The following CFAP20DC variants were observed in gnomAD, a reference collection of about 807,000 sequenced individuals.
CFAP20DC encodes the protein protein CFAP20DC.
Under a neutral mutation model 101.7 loss-of-function variants are expected in CFAP20DC, and 84 were observed. That is an observed-to-expected ratio of 0.83 (90% confidence interval 0.69 to 0.99). The LOEUF (loss-of-function observed/expected upper bound fraction) is 0.99, where lower values mean the gene tolerates loss of function less well. Ranked by LOEUF, CFAP20DC falls within the 50% of genes least tolerant of loss-of-function variation. CFAP20DC has a pLI of 0.00. For synonymous variants in CFAP20DC, 359 were observed against 351.2 expected, an observed-to-expected ratio of 1.02 and a Z score of -0.25; for missense variants, 1,007 against 970.3, an observed-to-expected ratio of 1.04 and a Z score of -0.50.
chr3:58,975,934 C>T (rs1285478497), intron 4 of CFAP20DC, among the ~76,000 whole-genome samples: 1 of 152,108 alleles, frequency 6.6e-6, no homozygotes, highest in East Asian at 1.9e-4. Flanking sequence ...GGTGACAACA[C>T]TTTCACATGA....
chr3:58,818,190 C>T (rs1559641719), intron 14 of CFAP20DC, among the ~76,000 whole-genome samples: 1 of 151,704 alleles, frequency 6.6e-6, no homozygotes, highest in East Asian at 1.9e-4. Flanking sequence ...AAAATCATGC[C>T]AAAATGTAAA....
At chr3:58,895,734 A>T (rs529821544) in intron 6 of CFAP20DC, among the ~76,000 whole-genome samples, 1 of 152,322 alleles carries the variant, frequency 6.6e-6, no homozygotes, top group Admixed American at 6.5e-5. Flanking sequence ...TGATAAAGAC[A>T]TACCCGAGAC....
At chr3:58,794,093 G>C in intron 15 of CFAP20DC, 1 of 223,064 alleles carries the variant, frequency 4.5e-6, no homozygotes, top group South Asian at 5.9e-5. Flanking sequence ...ATTTGGTCTC[G>C]CTTGTTACTG....
At position 58,894,790 on chromosome 3, in the gene CFAP20DC, GC is replaced by G. The variant is rs1297518386; in HGVS notation, c.551-10082del. Among the ~76,000 whole-genome samples, 3 of 152,226 alleles carry G rather than the reference GC, an allele frequency of 2.0e-5. No individual in the cohort carries two copies. Among genetic ancestry groups the G allele is most frequent in the Non-Finnish European group, 4.4e-5 (3 of 68,042 alleles). On this transcript the variant is annotated intron_variant, in intron 6 of 16. Coordinates refer to ENST00000482387, the MANE Select transcript of CFAP20DC (RefSeq NM_001394063.1). This position sits in a 1 kb window ranked among gnomAD's most constrained non-coding sequence, Gnocchi z 4.1. ...TAGCTGAGGTTCTCATGAGGGCCCT[GC>G]CCCTGCAACAAACTTGTGCCTGGGC... is the stretch of plus-strand genomic sequence containing the variant.
chr3:58,839,236 TG>T (rs1196985967), intron 13 of CFAP20DC, among the ~76,000 whole-genome samples: 2 of 152,198 alleles, frequency 1.3e-5, no homozygotes, highest in Non-Finnish European at 2.9e-5. Flanking sequence ...GGCCTCTAAT[TG>T]GGGGTAGCAG....
chr3:58,744,381 G>A (rs992971469), intron 16 of CFAP20DC, among the ~76,000 whole-genome samples: 1 of 152,158 alleles, frequency 6.6e-6, no homozygotes, highest in African/African-American at 2.4e-5. Context: ...GTCGGACCTT[G>A]ATTATGCTAA....
intron 4 of CFAP20DC, among the ~76,000 whole-genome samples, chr3:59,025,253 T>G (rs1023663707): frequency 6.6e-6 from 1 of 152,184 alleles, no homozygotes; most frequent in Non-Finnish European, 1.5e-5. Context: ...TTCATGTTTA[T>G]GCCCATCATT....
At chr3:58,785,803 ACT>A (rs2072280720) in intron 15 of CFAP20DC, among the ~76,000 whole-genome samples, 1 of 151,766 alleles carries the variant, frequency 6.6e-6, no homozygotes, top group Non-Finnish European at 1.5e-5. Flanking sequence ...CACAGGAAAA[ACT>A]CTCTCTACTT....
chr3:58,882,385 TA>T lies in CFAP20DC; in HGVS notation c.715+2159del, dbSNP rs1398637981. Among the ~76,000 whole-genome samples, 2 of 152,148 alleles carry T rather than the reference TA, an allele frequency of 1.3e-5. No individual in the cohort carries two copies. Among genetic ancestry groups the T allele is most frequent in the Admixed American group, 6.6e-5 (1 of 15,266 alleles). ...TCAAATTTAAATTGAAAAAGACACT[TA>T]AAATATCGGGATATAGACTTGCACT... is the stretch of plus-strand genomic sequence containing the variant. On this transcript the variant is annotated intron_variant, in intron 7 of 16. Transcript: ENST00000482387. The surrounding 1 kb of genome is among the most constrained non-coding windows in gnomAD (Gnocchi z 4.2).
Position 58,859,763 on chromosome 3 carries a change from T to A in CFAP20DC, c.1593+3795A>T, listed in dbSNP as rs1465179897. Among the ~76,000 whole-genome samples the A allele has an allele frequency of 6.6e-6, 1 of 152,240 alleles. No homozygotes were observed. Among genetic ancestry groups the A allele is most frequent in the Non-Finnish European group, 1.5e-5 (1 of 68,042 alleles). ...ATTCAAAATAGAGTCTTTTCATTTT[T>A]TCCCAACACATAAACTAAATTTAAA... is the stretch of plus-strand genomic sequence containing the variant. On this transcript the variant is annotated intron_variant, in intron 12 of 16. Transcript: ENST00000482387. This position sits in a 1 kb window ranked among gnomAD's most constrained non-coding sequence, Gnocchi z 4.1.
At chr3:58,842,340 T>C (rs1032050474) in intron 13 of CFAP20DC, among the ~76,000 whole-genome samples, 7 of 152,266 alleles carry the variant, frequency 4.6e-5, no homozygotes, top group South Asian at 2.1e-4. Flanking sequence ...GGGCGAGGCA[T>C]TGCCTCACCT....
intron 14 of CFAP20DC, among the ~76,000 whole-genome samples, chr3:58,810,231 TTG>T (rs2074495287): frequency 6.6e-6 from 1 of 150,994 alleles, no homozygotes; most frequent in Non-Finnish European, 1.5e-5. Flanking sequence ...GATACCAAAG[TTG>T]GGCAGAGACA....
At chr3:58,969,552 A>C (rs545710067) in intron 4 of CFAP20DC, among the ~76,000 whole-genome samples, 1 of 152,330 alleles carries the variant, frequency 6.6e-6, no homozygotes, top group South Asian at 2.1e-4. Context: ...AATAATAGCC[A>C]AAATGGAAAC....
At chr3:58,949,826 C>T (rs1576449444) in intron 4 of CFAP20DC, among the ~76,000 whole-genome samples, 1 of 152,142 alleles carries the variant, frequency 6.6e-6, no homozygotes, top group South Asian at 2.1e-4. Context: ...ACTGAATGGG[C>T]AAAAACTGGA....
intron 14 of CFAP20DC, among the ~76,000 whole-genome samples, chr3:58,809,243 A>C (rs541390038): frequency 1.3e-5 from 2 of 152,156 alleles, no homozygotes; most frequent in Admixed American, 1.3e-4. Flanking sequence ...AATCAACAGA[A>C]TATACATTTT....
chr3:58,764,587 C>T (rs2107425483), intron 15 of CFAP20DC, among the ~76,000 whole-genome samples: 1 of 152,302 alleles, frequency 6.6e-6, no homozygotes, highest in East Asian at 1.9e-4. Context: ...GTTGGAAATG[C>T]AGAAATCACC....
intron 13 of CFAP20DC, among the ~76,000 whole-genome samples, chr3:58,839,777 T>C (rs1210521062): frequency 6.6e-6 from 1 of 152,186 alleles, no homozygotes; most frequent in African/African-American, 2.4e-5. Flanking sequence ...TTTTGAGAAC[T>C]TGAAATTTCT....
intron 6 of CFAP20DC, among the ~76,000 whole-genome samples, chr3:58,900,919 A>T (rs1466415517): frequency 6.6e-6 from 1 of 152,240 alleles, no homozygotes; most frequent in East Asian, 1.9e-4. Context: ...TTTAACACAT[A>T]TGTAAAGCAC....
At chr3:58,918,738 A>G (rs549789372) in intron 5 of CFAP20DC, among the ~76,000 whole-genome samples, 1 of 152,134 alleles carries the variant, frequency 6.6e-6, no homozygotes, top group African/African-American at 2.4e-5. Flanking sequence ...TCTGGAGCCA[A>G]ACTGTCTGGA....
Sources: allele counts gnomAD v4.1 joint callset (sites outside exome capture counted in the v4.1 genomes callset), GRCh38; gene constraint gnomAD v4.1.1; non-coding constraint Gnocchi (gnomAD v3.1); transcripts MANE v1.5; gene names NCBI Gene and HGNC (gene_info 2026-07-23, HGNC 2026-07-21).